Variants in MXI1 observed in about 807,000 individuals in gnomAD.
The protein encoded by MXI1 is max-interacting protein 1.
MXI1 carries 18 observed loss-of-function variants against 36.9 expected under a neutral mutation model. That is an observed-to-expected ratio of 0.49 (90% CI 0.34 to 0.72). The LOEUF is 0.72. MXI1 is among the 30% of genes least tolerant of loss of function. MXI1 has a pLI of 0.01. For synonymous variants in MXI1, 160 were observed against 146.7 expected (o/e 1.09, Z -0.65); for missense variants, 304 against 379.1 (o/e 0.80, Z 1.64).
chr10:110,280,187 A>G (rs996155334), intron 5 of MXI1, 102 bp downstream of exon 5: 24 of 957,938 alleles, frequency 2.5e-5, no homozygotes, highest in African/African-American at 3.3e-5. Flanking sequence ...TTTCTAGCCA[A>G]CAGAGTAACA....
intron 3 of MXI1, among the ~76,000 whole-genome samples, chr10:110,250,333 C>T (rs1379290326): frequency 6.6e-6 from 1 of 152,102 alleles, no homozygotes; most frequent in African/African-American, 2.4e-5. Flanking sequence ...TTCTGCATTC[C>T]TCAGGAACCT....
intron 3 of MXI1, among the ~76,000 whole-genome samples, chr10:110,278,569 T>C (rs1857120518): frequency 6.6e-6 from 1 of 152,174 alleles, no homozygotes; most frequent in African/African-American, 2.4e-5. Context: ...GCTGTTTCTG[T>C]TGTATTGGAG....
At chr10:110,239,749 A>C (rs1264155893) in intron 2 of MXI1, among the ~76,000 whole-genome samples, 3 of 152,190 alleles carry the variant, frequency 2.0e-5, no homozygotes, top group Non-Finnish European at 4.4e-5. Flanking sequence ...TAAAGAATTC[A>C]GTTTGTATGC....
At chr10:110,227,818 T>C (rs943956863) in intron 1 of MXI1, 9 of 257,502 alleles carry the variant, frequency 3.5e-5, no homozygotes, top group Non-Finnish European at 5.4e-5. Context: ...AAGAGACTCT[T>C]TAGAACAGAG....
chr10:110,263,334 A>G (rs756464000), intron 3 of MXI1, among the ~76,000 whole-genome samples: 2 of 152,188 alleles, frequency 1.3e-5, no homozygotes, highest in Non-Finnish European at 2.9e-5. Context: ...TCCTGCTTCA[A>G]AGAGAACAGT....
chr10:110,239,340 T>C (rs1590357822), intron 2 of MXI1, among the ~76,000 whole-genome samples: 1 of 152,174 alleles, frequency 6.6e-6, no homozygotes, highest in African/African-American at 2.4e-5. Flanking sequence ...TTTTCTACTT[T>C]CTTAAGGTGG....
intron 2 of MXI1, among the ~76,000 whole-genome samples, chr10:110,241,080 A>G (rs1301338772): frequency 6.6e-6 from 1 of 152,012 alleles, no homozygotes; most frequent in African/African-American, 2.4e-5. Flanking sequence ...GTTGTAGTCA[A>G]TGAAAAGTCA....
chr10:110,273,901 G>C (rs1177067500), intron 3 of MXI1, among the ~76,000 whole-genome samples: 1 of 152,182 alleles, frequency 6.6e-6, no homozygotes, highest in Non-Finnish European at 1.5e-5. Context: ...ATCTATTATT[G>C]TTGGACAGGG....
chr10:110,242,099 C>T (rs1855691553), intron 2 of MXI1, among the ~76,000 whole-genome samples: 1 of 151,922 alleles, frequency 6.6e-6, no homozygotes, highest in African/African-American at 2.4e-5. Context: ...CTTATCCCTT[C>T]CACTTGGAAT....
At chr10:110,216,779 G>C (rs1374466601) in intron 1 of MXI1, among the ~76,000 whole-genome samples, 1 of 145,858 alleles carries the variant, frequency 6.9e-6, no homozygotes, top group Non-Finnish European at 1.5e-5. Flanking sequence ...TGATCCTCCT[G>C]CCTCAGCCTC....
intron 1 of MXI1, among the ~76,000 whole-genome samples, chr10:110,216,665 G>GTTTTTTTTTTTGTTTTGTTTTGTT (rs1854646117): frequency 1.3e-5 from 1 of 79,060 alleles, no homozygotes; most frequent in Admixed American, 1.8e-4. Context: ...TGTGTTTAAT[G>GTTTTTTTTTTTGTTTTGTTTTGTT]TTTTTTTTTT....
At chr10:110,280,641 C>G (rs1006771585) in intron 5 of MXI1, among the ~76,000 whole-genome samples, 1 of 150,540 alleles carries the variant, frequency 6.6e-6, no homozygotes, top group Admixed American at 6.6e-5. Flanking sequence ...GATCATGCCA[C>G]TGCGCTCCAG....
intron 3 of MXI1, among the ~76,000 whole-genome samples, chr10:110,255,263 A>T (rs1273411157): frequency 1.3e-5 from 2 of 152,208 alleles, no homozygotes; most frequent in Non-Finnish European, 2.9e-5. Context: ...TGTTTATAGC[A>T]TAGTTTACTA....
At chr10:110,223,898 A>G (rs1042449719) in intron 1 of MXI1, among the ~76,000 whole-genome samples, 9 of 151,964 alleles carry the variant, frequency 5.9e-5, no homozygotes, top group Non-Finnish European at 1.0e-4. Context: ...TGGAACGTCT[A>G]TTTGGTCTTA....
In MXI1 at chr10:110,207,922, G is replaced by C. The variant is rs550444719; in HGVS notation, c.114G>C (p.Leu38=). ...PAVAAPQPPA[L]PEDPAGAKPR... is the part of the protein sequence containing the mutation. ...TGGCCGCGCCCCAGCCCCCGGCCCT[G>C]CCCGAGGACCCCGCTGGGGCCAAGC... Residue 38 remains leucine, a synonymous_variant, in exon 1 of 6, where the codon CTG becomes CTC. Coordinates refer to ENST00000332674, the MANE Select transcript of MXI1 (RefSeq NM_130439.3). 1.3e-6 allele frequency: 2 copies of C among 1,545,108 alleles called. No homozygotes were observed. Among genetic ancestry groups the C allele is most frequent in the South Asian group, 2.4e-5 (2 of 85,102 alleles).
In MXI1 at chr10:110,228,220, G is replaced by C; in HGVS notation, c.306G>C (p.Pro102=). The part of the protein sequence containing the change: ...KCEHGYASSF[P]SMPSPRLQHS... Reference sequence around the variant, plus strand: ...AACATGGCTACGCCTCTTCATTCCCGTCCATGCCGAGCCCCCGACTGCAGC... The same window carrying C: ...AACATGGCTACGCCTCTTCATTCCCCTCCATGCCGAGCCCCCGACTGCAGC... Residue 102 remains proline, a synonymous_variant, in exon 2 of 6, where the codon CCG becomes CCC. Transcript: ENST00000332674. 1.2e-6 allele frequency: 2 copies of C among 1,613,862 alleles called. No individual in the cohort carries two copies. Among genetic ancestry groups the C allele is most frequent in the Non-Finnish European group, 1.7e-6 (2 of 1,179,980 alleles).
At chr10:110,215,792 C>T (rs1472357851) in intron 1 of MXI1, among the ~76,000 whole-genome samples, 1 of 152,080 alleles carries the variant, frequency 6.6e-6, no homozygotes, top group Non-Finnish European at 1.5e-5. Flanking sequence ...GTGGCTATCC[C>T]AAGCCTTGAC....
chr10:110,281,396 A>T (rs972502326), intron 5 of MXI1, among the ~76,000 whole-genome samples: 2 of 152,186 alleles, frequency 1.3e-5, no homozygotes, highest in African/African-American at 4.8e-5. Context: ...CCAGTCTGTG[A>T]TACATTTTCT....
chr10:110,228,090 C>G, intron 1 of MXI1, 99 bp from the exon 2 acceptor site: 13 of 1,375,426 alleles, frequency 9.5e-6, no homozygotes, highest in Non-Finnish European at 1.3e-5. Flanking sequence ...TCTTTTCCTG[C>G]TTTCAAAAAC....
Sources: allele counts gnomAD v4.1 joint callset (sites outside exome capture counted in the v4.1 genomes callset), GRCh38; gene constraint gnomAD v4.1.1; transcripts MANE v1.5; gene names NCBI Gene and HGNC (gene_info 2026-07-23, HGNC 2026-07-21).